ITPRID1: variants seen among roughly 807,000 people sequenced by gnomAD.
ITPRID1 encodes the protein protein ITPRID1.
A neutral mutation model predicts 95.4 loss-of-function variants in ITPRID1; 96 were observed. The observed-to-expected ratio is 1.01, with a 90% CI of 0.85 to 1.19. ITPRID1 has a LOEUF of 1.19. ITPRID1 is among the 50% of genes most tolerant of loss of function. The probability of loss-of-function intolerance (pLI) is 0.00; values close to 1 mark genes in which losing one functional copy is unlikely to be tolerated. For synonymous variants in ITPRID1, 510 were observed against 453.6 expected (o/e 1.12, Z -1.58); for missense variants, 1,339 against 1,252.9 (o/e 1.07, Z -1.04).
Position 31,627,806 on chromosome 7 carries a change from T to C in ITPRID1, c.1229-14370T>C, listed in dbSNP as rs764226153. On this transcript the variant is annotated intron_variant, in intron 10 of 14. Transcript: ENST00000615280. ...TATGTCCCTAAAAACAAAAACTTCC[T>C]TTTTATTAAAAAGGAGATTAATTGG... 1.8e-4 allele frequency among the ~76,000 whole-genome samples: 27 copies of C among 152,188 alleles called. 1 individual carries two copies. The highest frequency in any genetic ancestry group is 6.5e-5 in the Admixed American group (1 of 15,272).
At chr7:31,549,575 A>T in intron 2 of ITPRID1, 76 bp downstream of exon 2, 1 of 1,009,602 alleles carries the variant, frequency 9.9e-7, no homozygotes, top group Non-Finnish European at 1.4e-6. Flanking sequence ...CTCATTATAG[A>T]TATGAGGAAA....
chr7:31,643,513 AG>A lies in ITPRID1; in HGVS notation c.2144del (p.Ser715ThrfsTer21). ...GTCTGTAATGACCCAGATGTCCTCC[AG>A]CCTGGTGTCGGCTGCTCAGAGGGCT... ...SRSVMTQMSSSLVSAAQRAVA... is the reference protein window; with the variant it reads ...SRSVMTQMSSXLVSAAQRAVA... On this transcript the variant is annotated frameshift_variant, in exon 12 of 15. Coordinates refer to ENST00000615280, the MANE Select transcript of ITPRID1 (RefSeq NM_001257967.3). LOFTEE classifies it high-confidence loss of function. The A allele has an allele frequency of 6.2e-7, 1 of 1,614,044 alleles. No individual in the cohort carries two copies. Among genetic ancestry groups the A allele is most frequent in the East Asian group, 2.2e-5 (1 of 44,878 alleles).
intron 10 of ITPRID1, among the ~76,000 whole-genome samples, chr7:31,622,029 G>A (rs1017810694): frequency 3.5e-5 from 5 of 141,286 alleles, no homozygotes; most frequent in African/African-American, 1.1e-4. Context: ...TAATGGTAAA[G>A]GGATCAATTC....
chr7:31,587,057 C>G (rs932941678), intron 10 of ITPRID1, among the ~76,000 whole-genome samples: 1 of 152,154 alleles, frequency 6.6e-6, no homozygotes, highest in Admixed American at 6.5e-5. Flanking sequence ...AAACTGGAAG[C>G]ATTCCTTTTG....
intron 7 of ITPRID1, among the ~76,000 whole-genome samples, chr7:31,573,504 A>C (rs1245823408): frequency 6.6e-6 from 1 of 152,162 alleles, no homozygotes; most frequent in Non-Finnish European, 1.5e-5. Flanking sequence ...TGGCTAAGTA[A>C]ATGAATTGTA....
chr7:31,568,485 C>A (rs1342589627), intron 5 of ITPRID1, among the ~76,000 whole-genome samples: 2 of 152,156 alleles, frequency 1.3e-5, no homozygotes, highest in Non-Finnish European at 2.9e-5. Context: ...GGCAACACTT[C>A]CCAGTTTCAC....
At chr7:31,597,958 T>C (rs969306308) in intron 10 of ITPRID1, among the ~76,000 whole-genome samples, 6 of 152,084 alleles carry the variant, frequency 3.9e-5, no homozygotes, top group South Asian at 2.1e-4. Flanking sequence ...AGCTCAGAAG[T>C]AGACTCCCTG....
chr7:31,625,464 C>T (rs1246426679), intron 10 of ITPRID1, among the ~76,000 whole-genome samples: 3 of 152,046 alleles, frequency 2.0e-5, no homozygotes, highest in South Asian at 2.1e-4. Context: ...GAGTTCATGT[C>T]CTTTGTAGGG....
intron 1 of ITPRID1, among the ~76,000 whole-genome samples, chr7:31,536,444 C>T (rs913115027): frequency 6.6e-6 from 1 of 152,138 alleles, no homozygotes; most frequent in African/African-American, 2.4e-5. Flanking sequence ...CTGATAATTT[C>T]ACCACCTGGT....
intron 10 of ITPRID1, among the ~76,000 whole-genome samples, chr7:31,603,346 G>C (rs1336155978): frequency 6.6e-6 from 1 of 151,848 alleles, no homozygotes; most frequent in Non-Finnish European, 1.5e-5. Context: ...TAACACATTG[G>C]CTCCTGTGAC....
At chr7:31,517,041 A>G (rs971511562) in intron 1 of ITPRID1, among the ~76,000 whole-genome samples, 5 of 152,228 alleles carry the variant, frequency 3.3e-5, no homozygotes, top group African/African-American at 1.2e-4. Flanking sequence ...TAAAACTGGT[A>G]TGAACCCAAG....
chr7:31,643,953 C>T lies in ITPRID1; in HGVS notation c.2583C>T (p.Ser861=), dbSNP rs766022168. ...LQDTTVRELC[S]CTVHEMEAMK... Reference sequence around the variant, plus strand: ...ACACTACAGTGAGGGAGCTATGTTCCGTAAGTGTTCACCCTGGCAAAGATG... The same window carrying T: ...ACACTACAGTGAGGGAGCTATGTTCTGTAAGTGTTCACCCTGGCAAAGATG... The change falls in exon 12 of 15, where the codon TCC becomes TCT. Residue 861 remains serine (S), a splice_region_variant and synonymous_variant. Coordinates refer to ENST00000615280, the MANE Select transcript of ITPRID1 (RefSeq NM_001257967.3). 1.4e-5 allele frequency: 22 copies of T among 1,602,640 alleles called. No homozygotes were observed. Among genetic ancestry groups the T allele is most frequent in the East Asian group, 8.9e-5 (4 of 44,782 alleles).
At chr7:31,626,593 T>C (rs1008160629) in intron 10 of ITPRID1, among the ~76,000 whole-genome samples, 2 of 152,218 alleles carry the variant, frequency 1.3e-5, no homozygotes, top group African/African-American at 4.8e-5. Flanking sequence ...ATTTCTCTTC[T>C]GAATAGTTTT....
At chr7:31,620,504 T>C (rs1473620413) in intron 10 of ITPRID1, among the ~76,000 whole-genome samples, 2 of 151,274 alleles carry the variant, frequency 1.3e-5, no homozygotes, top group Non-Finnish European at 2.9e-5. Flanking sequence ...AAACAGGGTC[T>C]GGAGTGGACC....
chr7:31,583,755 A>G (rs1260248274), intron 10 of ITPRID1, among the ~76,000 whole-genome samples: 1 of 152,184 alleles, frequency 6.6e-6, no homozygotes, highest in Middle Eastern at 3.2e-3. Flanking sequence ...CACTAACTAT[A>G]TGATCTGACT....
At chr7:31,624,921 T>C (rs1296145388) in intron 10 of ITPRID1, among the ~76,000 whole-genome samples, 8 of 151,926 alleles carry the variant, frequency 5.3e-5, no homozygotes, top group South Asian at 2.1e-4. Flanking sequence ...CAAACAAATT[T>C]ACAAGAAAAA....
Position 31,653,925 on chromosome 7 carries a change from A to G in ITPRID1, c.*1096A>G, listed in dbSNP as rs1423592444. Among the ~76,000 whole-genome samples, 1 of 152,188 alleles carries G rather than the reference A, an allele frequency of 6.6e-6. No homozygotes were observed. The highest frequency in any genetic ancestry group is 2.4e-5 in the African/African-American group (1 of 41,448). ...AGGCCTCAGAGGTACCAGACTGTCC[A>G]GTCAGGCAGCCAGTGGGAGTACTGA... On this transcript the variant is annotated 3_prime_UTR_variant, in exon 15 of 15. Transcript: ENST00000615280.
At chr7:31,549,016 A>T (rs2128135350) in intron 1 of ITPRID1, among the ~76,000 whole-genome samples, 1 of 152,230 alleles carries the variant, frequency 6.6e-6, no homozygotes, top group East Asian at 1.9e-4. Flanking sequence ...AACTGAGGCT[A>T]TGACAATGAG....
intron 1 of ITPRID1, among the ~76,000 whole-genome samples, chr7:31,532,124 A>G (rs983079790): frequency 1.3e-5 from 2 of 152,156 alleles, no homozygotes; most frequent in Non-Finnish European, 2.9e-5. Context: ...GAGATAATAT[A>G]TATACAATTT....
Sources: allele counts gnomAD v4.1 joint callset (sites outside exome capture counted in the v4.1 genomes callset), GRCh38; gene constraint gnomAD v4.1.1; transcripts MANE v1.5; gene names NCBI Gene and HGNC (gene_info 2026-07-23, HGNC 2026-07-21).